MICAL3: variants seen among roughly 807,000 people sequenced by gnomAD.
The protein encoded by MICAL3 is [F-actin]-monooxygenase MICAL3.
Under a neutral mutation model 207.4 loss-of-function variants are expected in MICAL3, and 62 were observed. That is an observed-to-expected ratio of 0.30 (90% CI 0.24 to 0.37). MICAL3 has a LOEUF of 0.37. Among genes scored for constraint, MICAL3 ranks in the 10% least tolerant of loss-of-function variants. The probability of loss-of-function intolerance (pLI) is 1.00; values close to 1 mark genes in which losing one functional copy is unlikely to be tolerated. For missense variants in MICAL3, 2,368 were observed against 2,635.6 expected (o/e 0.90, Z 2.22); for synonymous variants, 1,077 against 1,069.3 (o/e 1.01, Z -0.14).
chr22:17,842,284 G>T, intron 19 of MICAL3: 1 of 516,548 alleles, frequency 1.9e-6, no homozygotes, highest in Non-Finnish European at 3.5e-6. Flanking sequence ...CCCCCAGAGG[G>T]GAGACGCAGT....
At chr22:17,846,571 A>C (rs73384585) in intron 19 of MICAL3, among the ~76,000 whole-genome samples, 1 of 152,042 alleles carries the variant, frequency 6.6e-6, no homozygotes, top group African/African-American at 2.4e-5. Flanking sequence ...CTCCCTCATC[A>C]ACTAATGGCA....
At position 17,992,316 on chromosome 22, in the gene MICAL3, CA is replaced by C. The variant is rs200115199; in HGVS notation, c.-75+31964del. On this transcript the variant is annotated intron_variant, in intron 1 of 31. Coordinates refer to ENST00000441493, the MANE Select transcript of MICAL3 (RefSeq NM_015241.3). Reference sequence around the variant, plus strand: ...ACAAACATTCCACAAACAGCAGACACAGGGGGTAGGCAAATTCTAGAAATTC... The same window carrying C: ...ACAAACATTCCACAAACAGCAGACACGGGGGTAGGCAAATTCTAGAAATTC... Among the ~76,000 whole-genome samples, 1,189 of 152,330 alleles carry C rather than the reference CA, an allele frequency of 7.8e-3. 12 individuals are homozygous for C. The highest frequency in any genetic ancestry group is 0.027 in the African/African-American group (1,143 of 41,578).
intron 11 of MICAL3, 77 bp from the exon 12 acceptor site, chr22:17,891,709 C>A (rs771354061): frequency 7.0e-7 from 1 of 1,424,260 alleles, no homozygotes; most frequent in Admixed American, 2.0e-5. Flanking sequence ...TTGTAGGACA[C>A]ATGTCCCCTT....
chr22:17,971,118 A>G (rs1292260153), intron 1 of MICAL3, among the ~76,000 whole-genome samples: 2 of 152,134 alleles, frequency 1.3e-5, no homozygotes, highest in African/African-American at 4.8e-5. Flanking sequence ...CGGAGGTCGC[A>G]GTGAGCTGAG....
chr22:17,940,764 C>T (rs868386465), intron 1 of MICAL3, among the ~76,000 whole-genome samples: 2 of 152,128 alleles, frequency 1.3e-5, no homozygotes, highest in African/African-American at 4.8e-5. Flanking sequence ...AGTTAAAGAA[C>T]CTTTTCCAGA....
intron 1 of MICAL3, among the ~76,000 whole-genome samples, chr22:17,910,718 C>T (rs1295257460): frequency 6.6e-6 from 1 of 152,190 alleles, no homozygotes; most frequent in East Asian, 1.9e-4. Context: ...CTCTGTGGCT[C>T]TGCTGGGCTG....
intron 1 of MICAL3, among the ~76,000 whole-genome samples, chr22:18,017,624 C>T (rs28606652): frequency 0.21 from 31,526 of 151,184 alleles, 3,844 homozygotes; most frequent in East Asian, 0.38. Context: ...GTCACTCTGT[C>T]ACCTGGGCTG....
chr22:17,899,445 C>T lies in MICAL3; in HGVS notation c.948+3G>A, dbSNP rs375945056. 42 of 1,582,834 alleles carry T rather than the reference C, an allele frequency of 2.7e-5. No individual in the cohort carries two copies. The highest frequency in any genetic ancestry group is 3.5e-5 in the Non-Finnish European group (41 of 1,155,124). ...AGAGTTTTGAAGGAAATCCGTGGCT[C>T]ACATGTAGTATCACTCCTTTGTCCA... On this transcript the variant is annotated splice_donor_region_variant and intron_variant, in intron 7 of 31. Transcript: ENST00000441493.
At chr22:17,865,084 A>ATTTT in intron 18 of MICAL3, 98 bp from the exon 19 acceptor site, 2 of 736,288 alleles carry the variant, frequency 2.7e-6, no homozygotes, top group Middle Eastern at 4.3e-4. Flanking sequence ...CTGGTTTTAA[A>ATTTT]TTTTATTTAT....
At chr22:17,967,176 G>T (rs1264197013) in intron 1 of MICAL3, among the ~76,000 whole-genome samples, 1 of 152,064 alleles carries the variant, frequency 6.6e-6, no homozygotes, top group Non-Finnish European at 1.5e-5. Flanking sequence ...AGCATCCCTG[G>T]TCTATCCTGG....
At position 17,842,002 on chromosome 22, in the gene MICAL3, C is replaced by G. The variant is rs967150384; in HGVS notation, c.2621G>C (p.Gly874Ala). Residue 874 changes from glycine (G) to alanine (A), a missense_variant, in exon 20 of 32, where the codon GGC becomes GCC. Gly to Ala is a moderately conservative substitution (Grantham distance 60). Around this residue, in one of 4 missense-constraint regions of MICAL3, gnomAD observed 1,770 missense variants for 1,863.2 expected, o/e 0.95. Transcript: ENST00000441493. ...TERTPGSGVN[G>A]LEEPSIAKRL... ...CTTGGCGATGCTGGGCTCCTCCAGG[C>G]CGTTCACGCCTGAACCTGCGGGACA... The G allele has an allele frequency of 6.2e-7, 1 of 1,602,764 alleles. No homozygotes were observed. The highest frequency in any genetic ancestry group is 8.5e-7 in the Non-Finnish European group (1 of 1,179,312).
intron 1 of MICAL3, among the ~76,000 whole-genome samples, chr22:17,991,734 C>T (rs1921704884): frequency 1.3e-5 from 2 of 152,078 alleles, no homozygotes; most frequent in African/African-American, 4.8e-5. Context: ...GGTTAAAACC[C>T]AAGCAAAACG....
chr22:17,905,834 A>G (rs929544041), intron 2 of MICAL3, among the ~76,000 whole-genome samples: 6 of 152,162 alleles, frequency 3.9e-5, no homozygotes, highest in South Asian at 2.1e-4. Flanking sequence ...GCTTGGGCCT[A>G]CCTGCTTCGT....
intron 20 of MICAL3, among the ~76,000 whole-genome samples, chr22:17,837,817 A>G (rs1347042861): frequency 6.6e-6 from 1 of 152,200 alleles, no homozygotes; most frequent in Non-Finnish European, 1.5e-5. Context: ...AAACCCACTG[A>G]ATTAGATACT....
At chr22:17,908,809 C>G (rs1014979091) in intron 1 of MICAL3, among the ~76,000 whole-genome samples, 1 of 152,180 alleles carries the variant, frequency 6.6e-6, no homozygotes, top group African/African-American at 2.4e-5. Context: ...TGATGCACTA[C>G]GTTCAGCAGG....
chr22:17,798,342 T>G (rs2145960376), intron 29 of MICAL3, among the ~76,000 whole-genome samples: 1 of 152,336 alleles, frequency 6.6e-6, no homozygotes, highest in Middle Eastern at 3.4e-3. Context: ...AGCCCCAAGG[T>G]TAACGTCTTC....
chr22:17,975,763 T>A (rs1935602900), intron 1 of MICAL3, among the ~76,000 whole-genome samples: 1 of 152,154 alleles, frequency 6.6e-6, no homozygotes, highest in Non-Finnish European at 1.5e-5. Flanking sequence ...CTGGCATATG[T>A]CCTCATGTTT....
chr22:17,920,585 T>C (rs114555935), intron 1 of MICAL3, among the ~76,000 whole-genome samples: 1,959 of 152,256 alleles, frequency 0.013, 39 homozygotes, highest in African/African-American at 0.044. Context: ...CGGCCTCCAG[T>C]CTCTCAGCTG....
chr22:18,016,411 T>C (rs1327549796), intron 1 of MICAL3, among the ~76,000 whole-genome samples: 1 of 152,182 alleles, frequency 6.6e-6, no homozygotes, highest in Admixed American at 6.5e-5. Context: ...CAAAAAGTTA[T>C]TCTTTTTCGT....
Sources: gnomAD v4.1 joint callset for allele counts (sites outside exome capture counted in the v4.1 genomes callset) on GRCh38, gnomAD v4.1.1 for gene constraint, gnomAD v4.1.1 regional missense constraint, MANE v1.5 for transcripts, NCBI Gene and HGNC (gene_info 2026-07-23, HGNC 2026-07-21) for gene names.